SNRPE: variants seen among roughly 807,000 people sequenced by gnomAD.
The protein encoded by SNRPE is small nuclear ribonucleoprotein E.
For missense variants in SNRPE, 53 were observed against 111.6 expected (o/e 0.48, Z 2.36); for synonymous variants, 35 against 36.7 (o/e 0.95, Z 0.17).
rs541911689 is a variant in SNRPE, at chr1:203,870,820, A to G, written c.*888A>G. 2.9e-4 allele frequency among the ~76,000 whole-genome samples: 44 copies of G among 152,374 alleles called. No individual in the cohort carries two copies. The highest frequency in any genetic ancestry group is 1.0e-3 in the African/African-American group (42 of 41,592). Reference sequence around the variant, plus strand: ...AATCAATACAGTGAAACAGACAGGTAAGCAGGTGGTTTTAATGCCTCATTC... The same window carrying G: ...AATCAATACAGTGAAACAGACAGGTGAGCAGGTGGTTTTAATGCCTCATTC... On this transcript the variant is annotated 3_prime_UTR_variant, in exon 5 of 5. Coordinates refer to ENST00000414487, the MANE Select transcript of SNRPE (RefSeq NM_003094.4).
At position 203,866,441 on chromosome 1, in the gene SNRPE, C is replaced by T. The variant is rs12093697; in HGVS notation, c.223+1322C>T. Among the ~76,000 whole-genome samples the T allele has an allele frequency of 4.4e-3, 671 of 152,322 alleles. 7 individuals are homozygous for T. The highest frequency in any genetic ancestry group is 0.015 in the African/African-American group (640 of 41,558). ...CTGCCTAGGCACTGGAGTACAGCTT[C>T]AGTTACCATCTATAAATACTGACTC... On this transcript the variant is annotated intron_variant, in intron 4 of 4. Transcript: ENST00000414487.
In SNRPE at chr1:203,863,074, T is replaced by C. The variant is rs1465799947; in HGVS notation, c.82-589T>C. Among the ~76,000 whole-genome samples, 4 of 152,178 alleles carry C rather than the reference T, an allele frequency of 2.6e-5. No individual in the cohort carries two copies. The South Asian group carries it at 8.3e-4, about 32-fold the overall frequency. ...GTTATTATTATTGGTGAATAATTCT[T>C]AGATATGGGCTAATTAGTTAAAACT... On this transcript the variant is annotated intron_variant, in intron 2 of 4. Coordinates refer to ENST00000414487, the MANE Select transcript of SNRPE (RefSeq NM_003094.4).
chr1:203,861,886 G>A (rs1689984811), intron 1 of SNRPE, 173 bp downstream of exon 1: 4 of 651,620 alleles, frequency 6.1e-6, no homozygotes, highest in Non-Finnish European at 1.1e-5. Flanking sequence ...GTGGGGAGGT[G>A]GTCTTGGGGG....
chr1:203,867,373 A>G (rs1195554601), intron 4 of SNRPE, among the ~76,000 whole-genome samples: 1 of 151,382 alleles, frequency 6.6e-6, no homozygotes, highest in Non-Finnish European at 1.5e-5. Context: ...GGTGTGGGGG[A>G]TGGCTTTCGG....
At chr1:203,862,442 C>T (rs1159112343) in intron 2 of SNRPE, among the ~76,000 whole-genome samples, 1 of 152,168 alleles carries the variant, frequency 6.6e-6, no homozygotes, top group East Asian at 1.9e-4. Flanking sequence ...GTATCCATTA[C>T]TTTGCAAGAT....
At chr1:203,868,692 C>T (rs979805755) in intron 4 of SNRPE, among the ~76,000 whole-genome samples, 1 of 151,968 alleles carries the variant, frequency 6.6e-6, no homozygotes, top group Non-Finnish European at 1.5e-5. Flanking sequence ...TTTTTGGAGA[C>T]GGAGTCTCAC....
intron 4 of SNRPE, 105 bp downstream of exon 4, chr1:203,865,224 A>T: frequency 9.5e-7 from 1 of 1,057,004 alleles, no homozygotes; most frequent in Non-Finnish European, 1.4e-6. Flanking sequence ...TGCATTTGAG[A>T]AGTTATTATT....
At chr1:203,864,228 A>G (rs1198171903) in intron 3 of SNRPE, among the ~76,000 whole-genome samples, 1 of 151,938 alleles carries the variant, frequency 6.6e-6, no homozygotes, top group Non-Finnish European at 1.5e-5. Flanking sequence ...TCTTGGGATT[A>G]CAGGCATGAG....
chr1:203,868,089 T>TCA (rs1690131108), intron 4 of SNRPE, among the ~76,000 whole-genome samples: 1 of 151,532 alleles, frequency 6.6e-6, no homozygotes, highest in Non-Finnish European at 1.5e-5. Context: ...AGACAGAGTC[T>TCA]CTGTCGCTCA....
intron 2 of SNRPE, 125 bp from the exon 3 acceptor site, chr1:203,863,538 C>T: frequency 2.9e-6 from 2 of 696,518 alleles, no homozygotes; most frequent in Non-Finnish European, 5.2e-6. Context: ...CGAGGATGGT[C>T]TCTATCTCTT....
chr1:203,861,825 C>T (rs1689983533), intron 1 of SNRPE, 112 bp downstream of exon 1: 1 of 840,016 alleles, frequency 1.2e-6, no homozygotes, highest in Non-Finnish European at 2.1e-6. Flanking sequence ...ATCCCATGAG[C>T]CCCCGGGGCT....
At chr1:203,863,261 A>T (rs1026344969) in intron 2 of SNRPE, among the ~76,000 whole-genome samples, 2 of 151,686 alleles carry the variant, frequency 1.3e-5, no homozygotes, top group Admixed American at 1.3e-4. Flanking sequence ...CACAAAGCGA[A>T]TTATTCCGCT....
rs555723515 is a variant in SNRPE, at chr1:203,867,298, A to C, written c.223+2179A>C. ...CTGTCTCAAAAAAAAAAAAAAAAAC[A>C]GTGGTCCCCAACCATTTTGGCACCA... On this transcript the variant is annotated intron_variant, in intron 4 of 4. Coordinates refer to ENST00000414487, the MANE Select transcript of SNRPE (RefSeq NM_003094.4). Among the ~76,000 whole-genome samples, 344 of 133,660 alleles carry C rather than the reference A, an allele frequency of 2.6e-3. 2 individuals carry two copies. In the Middle Eastern group the frequency reaches 0.027, roughly 11 times the overall value. The allele number at this position is 133,660 out of a possible 152,430, so 87.7% of individuals were successfully genotyped here.
At chr1:203,866,191 A>C (rs965728853) in intron 4 of SNRPE, among the ~76,000 whole-genome samples, 2 of 152,240 alleles carry the variant, frequency 1.3e-5, no homozygotes, top group Admixed American at 6.5e-5. Flanking sequence ...TCATTAGCAT[A>C]CAAAAAGGCA....
rs921825911 is a variant in SNRPE at position 203,870,869 on chromosome 1, T to G, written c.*937T>G. Among the ~76,000 whole-genome samples, 2 of 152,234 alleles carry G rather than the reference T, an allele frequency of 1.3e-5. No individual in the cohort carries two copies. Among genetic ancestry groups the G allele is most frequent in the African/African-American group, 4.8e-5 (2 of 41,464 alleles). ...TCTAAGTGCTATTTAAATTGGATCT[T>G]GAAAGATGAATAAGGCCTGCCTTAA... is the stretch of plus-strand genomic sequence containing the variant. On this transcript the variant is annotated 3_prime_UTR_variant, in exon 5 of 5. Coordinates refer to ENST00000414487, the MANE Select transcript of SNRPE (RefSeq NM_003094.4).
intron 4 of SNRPE, among the ~76,000 whole-genome samples, chr1:203,869,289 CTT>C (rs564988259): frequency 1.0e-4 from 7 of 66,802 alleles, no homozygotes; most frequent in African/African-American, 2.4e-4. Context: ...AGGATGGAGT[CTT>C]TTTTTTTTTT....
chr1:203,865,106 A>G lies in SNRPE; in HGVS notation c.210A>G (p.Ser70=), dbSNP rs769880684. The G allele has an allele frequency of 5.0e-6, 8 of 1,612,848 alleles. No individual in the cohort carries two copies. The South Asian group carries it at 8.8e-5, about 18-fold the overall frequency. ...DAEEIHSKTK[S]RKQLGRIMLK... ...AAGAGATTCATTCTAAAACAAAGTCAAGAAAACAACTGGGTAAGGATAGAA... is the reference window on the plus strand; with the variant it reads ...AAGAGATTCATTCTAAAACAAAGTCGAGAAAACAACTGGGTAAGGATAGAA... Residue 70 remains serine, a synonymous_variant, in exon 4 of 5, where the codon TCA becomes TCG. Transcript: ENST00000414487.
At chr1:203,866,112 A>G (rs1690082862) in intron 4 of SNRPE, among the ~76,000 whole-genome samples, 1 of 152,192 alleles carries the variant, frequency 6.6e-6, no homozygotes, top group Non-Finnish European at 1.5e-5. Context: ...CGACATCACT[A>G]ATGCCTTGGT....
intron 4 of SNRPE, among the ~76,000 whole-genome samples, chr1:203,867,206 G>C (rs1462903238): frequency 2.0e-5 from 3 of 151,334 alleles, no homozygotes; most frequent in Non-Finnish European, 2.9e-5. Flanking sequence ...CGCGAACCTG[G>C]GAGGCGGAGC....
Sources: gnomAD v4.1 joint callset for allele counts (sites outside exome capture counted in the v4.1 genomes callset) on GRCh38, gnomAD v4.1.1 for gene constraint, MANE v1.5 for transcripts, NCBI Gene and HGNC (gene_info 2026-07-23, HGNC 2026-07-21) for gene names.